The following NTM variants were observed in gnomAD, a reference collection of about 807,000 sequenced individuals.
NTM encodes the protein IgLON family member 2.
In NTM, 13 loss-of-function variants were observed where a neutral mutation model predicts 42.1. That is an observed-to-expected ratio of 0.31 (90% CI 0.20 to 0.49). The LOEUF (loss-of-function observed/expected upper bound fraction) is 0.49. Ranked by LOEUF, NTM falls within the 20% of genes least tolerant of loss-of-function variation. NTM has a pLI of 0.99. For missense variants in NTM, 373 were observed against 452.8 expected (o/e 0.82, Z 1.60); for synonymous variants, 187 against 179.2 (o/e 1.04, Z -0.35).
intron 1 of NTM, chr11:131,796,234 G>C (rs2091542295): frequency 1.1e-6 from 1 of 921,168 alleles, no homozygotes; most frequent in Non-Finnish European, 1.3e-6. Flanking sequence ...CTGTGGAAGA[G>C]GCCATGCACA....
At chr11:131,594,065 A>G (rs1403391534) in intron 1 of NTM, among the ~76,000 whole-genome samples, 3 of 152,196 alleles carry the variant, frequency 2.0e-5, no homozygotes, top group Admixed American at 1.3e-4. Flanking sequence ...AACATGGATG[A>G]TTGTTTGCCT....
intron 1 of NTM, among the ~76,000 whole-genome samples, chr11:131,453,595 A>G (rs1565516325): frequency 6.6e-6 from 1 of 152,192 alleles, no homozygotes; most frequent in Admixed American, 6.5e-5. Flanking sequence ...TTATCCAGGA[A>G]TTAGCAAGTC....
chr11:131,432,839 C>CCTTTTTTTTTTTTTTTTTTTTTTT (rs1565494793), intron 1 of NTM, among the ~76,000 whole-genome samples: 10 of 68,696 alleles, frequency 1.5e-4, no homozygotes, highest in Non-Finnish European at 2.6e-4. Context: ...ATTTAGCATT[C>CCTTTTTTTTTTTTTTTTTTTTTTT]TTTTTTTTTT....
intron 4 of NTM, among the ~76,000 whole-genome samples, chr11:132,224,230 C>T (rs973906444): frequency 2.0e-5 from 3 of 152,128 alleles, no homozygotes; most frequent in East Asian, 1.9e-4. Context: ...ACCGAGGAGG[C>T]ACTCCCCTCA....
At chr11:132,212,178 G>A in intron 4 of NTM, 31 bp downstream of exon 4, 1 of 1,593,190 alleles carries the variant, frequency 6.3e-7, no homozygotes, top group East Asian at 2.2e-5. Context: ...ATTGCATCAT[G>A]AGGATAAATG....
At chr11:132,064,081 G>C (rs1032263868) in intron 2 of NTM, among the ~76,000 whole-genome samples, 2 of 152,178 alleles carry the variant, frequency 1.3e-5, no homozygotes, top group African/African-American at 4.8e-5. Context: ...GTGAGGAAGA[G>C]AGGAGGAGGC....
intron 4 of NTM, among the ~76,000 whole-genome samples, chr11:132,273,105 TA>T (rs2093559996): frequency 1.3e-5 from 2 of 152,120 alleles, no homozygotes; most frequent in Non-Finnish European, 1.5e-5. Flanking sequence ...GTGTTTTTTT[TA>T]TCATGAAGGA....
chr11:132,329,098 A>T (rs942741757), intron 7 of NTM, among the ~76,000 whole-genome samples: 1 of 152,236 alleles, frequency 6.6e-6, no homozygotes, highest in African/African-American at 2.4e-5. Context: ...TGAATGCACA[A>T]GTACGTATTC....
At chr11:131,899,922 A>T (rs1315851339) in intron 1 of NTM, among the ~76,000 whole-genome samples, 1 of 152,240 alleles carries the variant, frequency 6.6e-6, no homozygotes, top group African/African-American at 2.4e-5. Flanking sequence ...AAATTATTTC[A>T]ATTTTTGAAT....
At chr11:132,243,983 C>CGT (rs949859766) in intron 4 of NTM, among the ~76,000 whole-genome samples, 1 of 152,196 alleles carries the variant, frequency 6.6e-6, no homozygotes, top group African/African-American at 2.4e-5. Context: ...TCTGCCATCC[C>CGT]GTCTCATGGG....
At chr11:131,484,273 AAG>A (rs143392438) in intron 1 of NTM, among the ~76,000 whole-genome samples, 2 of 152,370 alleles carry the variant, frequency 1.3e-5, no homozygotes, top group Admixed American at 6.5e-5. Flanking sequence ...GTATTAAAAA[AAG>A]AGAGAGAGAC....
At chr11:131,514,888 G>T (rs146363034) in intron 1 of NTM, among the ~76,000 whole-genome samples, 5 of 151,970 alleles carry the variant, frequency 3.3e-5, no homozygotes, top group South Asian at 4.2e-4. Flanking sequence ...CCCCATGCCC[G>T]GCCTTGTATT....
intron 7 of NTM, among the ~76,000 whole-genome samples, chr11:132,328,370 C>G (rs954128557): frequency 1.3e-5 from 2 of 152,158 alleles, no homozygotes; most frequent in Non-Finnish European, 2.9e-5. Flanking sequence ...ATCACATTTT[C>G]TTTACCTATG....
intron 1 of NTM, among the ~76,000 whole-genome samples, chr11:131,407,034 G>C (rs917289009): frequency 1.3e-5 from 2 of 152,236 alleles, no homozygotes; most frequent in Non-Finnish European, 2.9e-5. Flanking sequence ...AGACCACAGA[G>C]TAGCATTTAC....
In NTM at chr11:132,027,849, G is replaced by A. The variant is rs373109870; in HGVS notation, c.167+116201G>A. On this transcript the variant is annotated intron_variant, in intron 2 of 8. Coordinates refer to ENST00000683400, the MANE Select transcript of NTM (RefSeq NM_001352005.2). Reference sequence around the variant, plus strand: ...TTTTCTGCTTCTTTCTCCCATCTACGTCTAGTAATCCCATTGCATGTATAT... The same window carrying A: ...TTTTCTGCTTCTTTCTCCCATCTACATCTAGTAATCCCATTGCATGTATAT... Among the ~76,000 whole-genome samples the A allele has an allele frequency of 1.1e-4, 17 of 152,044 alleles. No homozygotes were observed. The South Asian group carries it at 2.7e-3, about 24-fold the overall frequency.
At chr11:132,213,656 A>T (rs566358218) in intron 4 of NTM, among the ~76,000 whole-genome samples, 1 of 151,102 alleles carries the variant, frequency 6.6e-6, no homozygotes, top group South Asian at 2.1e-4. Flanking sequence ...GCCCTAATGG[A>T]TGTTCTCAGA....
intron 1 of NTM, among the ~76,000 whole-genome samples, chr11:131,389,024 A>AAAAAGAAAAG (rs58205309): frequency 0.33 from 29,564 of 89,904 alleles, 6,135 homozygotes; most frequent in East Asian, 0.6. Context: ...AAAAAAAAAA[A>AAAAAGAAAAG]AAAAGAAAAG....
At chr11:132,036,692 C>G (rs991522171) in intron 2 of NTM, among the ~76,000 whole-genome samples, 4 of 152,186 alleles carry the variant, frequency 2.6e-5, no homozygotes, top group Non-Finnish European at 5.9e-5. Context: ...AGCACAAGTA[C>G]TGGAAACCAT....
chr11:132,274,363 T>A (rs2093626574), intron 4 of NTM, among the ~76,000 whole-genome samples: 1 of 152,082 alleles, frequency 6.6e-6, no homozygotes, highest in African/African-American at 2.4e-5. Context: ...GATATAAATG[T>A]TCCTCTAAGT....
Sources: gnomAD v4.1 joint callset for allele counts (sites outside exome capture counted in the v4.1 genomes callset) on GRCh38, gnomAD v4.1.1 for gene constraint, MANE v1.5 for transcripts, NCBI Gene and HGNC (gene_info 2026-07-23, HGNC 2026-07-21) for gene names.